The following PRPF38A variants were observed in gnomAD, a reference collection of about 807,000 sequenced individuals.
The protein encoded by PRPF38A is pre-mRNA processing factor 38A, also known as pre-mRNA-splicing factor 38A.
PRPF38A carries 11 observed loss-of-function variants against 46.8 expected under a neutral mutation model. That is an observed-to-expected ratio of 0.24 (90% CI 0.15 to 0.39). The LOEUF is 0.39. PRPF38A is among the 10% of genes least tolerant of loss of function. The pLI, the probability that PRPF38A is intolerant of heterozygous loss-of-function variation, is 1.00. For synonymous variants in PRPF38A, 124 were observed against 136.2 expected, an observed-to-expected ratio of 0.91 and a Z score of 0.62; for missense variants, 261 against 407.5, an observed-to-expected ratio of 0.64 and a Z score of 3.10.
chr1:52,405,546 G>C, intron 1 of PRPF38A, 134 bp from the exon 2 acceptor site: 1 of 760,192 alleles, frequency 1.3e-6, no homozygotes, highest in South Asian at 1.8e-5. Flanking sequence ...TGTCGTTACT[G>C]TTATTAATAC....
chr1:52,415,303 G>A, intron 8 of PRPF38A, 35 bp from the exon 9 acceptor site: 1 of 1,604,362 alleles, frequency 6.2e-7, no homozygotes, highest in Non-Finnish European at 8.5e-7. Context: ...AGAGTAGAAG[G>A]GTAGGATCTT....
Position 52,417,878 on chromosome 1 carries a change from G to A in PRPF38A, c.*1188G>A, listed in dbSNP as rs1229821388. The A allele has an allele frequency of 1.3e-5, 2 of 152,434 alleles. No individual in the cohort carries two copies. Among genetic ancestry groups the A allele is most frequent in the African/African-American group, 4.8e-5 (2 of 41,428 alleles). 9.4% of individuals were successfully genotyped at this position (152,434 alleles called of 1,614,324 possible). ...GGAGAGAGTGAGTGAAAGAAGCCAA[G>A]GGTCAAGAATGCAGAAGCAAAGGAA... On this transcript the variant is annotated 3_prime_UTR_variant, in exon 10 of 10. Transcript: ENST00000257181.
Position 52,417,964 on chromosome 1 carries a change from A to C in PRPF38A, c.*1274A>C, listed in dbSNP as rs1190490171. 1 of 152,568 alleles carries C rather than the reference A, an allele frequency of 6.6e-6. No individual in the cohort carries two copies. Among genetic ancestry groups the C allele is most frequent in the African/African-American group, 2.4e-5 (1 of 41,386 alleles). The allele number at this position is 152,568 out of a possible 1,614,324, so 9.5% of individuals were successfully genotyped here. On this transcript the variant is annotated 3_prime_UTR_variant, in exon 10 of 10. Coordinates refer to ENST00000257181, the MANE Select transcript of PRPF38A (RefSeq NM_032864.4). The stretch of plus-strand genomic sequence containing the variant: ...AGATTATTAAGATCTTTGCTAGAAG[A>C]GTTCCTTTACCTGTACTTAACTCCC...
chr1:52,409,958 A>G (rs2147956207), intron 3 of PRPF38A, among the ~76,000 whole-genome samples: 1 of 151,996 alleles, frequency 6.6e-6, no homozygotes, highest in Admixed American at 6.6e-5. Context: ...ATGGTTGAGA[A>G]CCCCAGAAGT....
intron 2 of PRPF38A, among the ~76,000 whole-genome samples, chr1:52,406,393 C>CAT (rs2147953831): frequency 6.6e-6 from 1 of 152,290 alleles, no homozygotes; most frequent in African/African-American, 2.4e-5. Context: ...TCACTAAATA[C>CAT]ATATTAAGCA....
At chr1:52,406,679 T>C (rs1485910777) in intron 2 of PRPF38A, among the ~76,000 whole-genome samples, 1 of 152,216 alleles carries the variant, frequency 6.6e-6, no homozygotes, top group Non-Finnish European at 1.5e-5. Context: ...TATTACCGTA[T>C]TACCGATTCT....
At chr1:52,412,375 C>A in intron 4 of PRPF38A, 139 bp from the exon 5 acceptor site, 1 of 601,026 alleles carries the variant, frequency 1.7e-6, no homozygotes, top group Non-Finnish European at 3.0e-6. Flanking sequence ...GTCTATTAAA[C>A]TTGTTAGGAA....
chr1:52,413,147 T>C (rs1648193168), intron 5 of PRPF38A, among the ~76,000 whole-genome samples: 1 of 152,206 alleles, frequency 6.6e-6, no homozygotes, highest in East Asian at 1.9e-4. Context: ...GATACTTTTT[T>C]CCCCAAGACT....
intron 2 of PRPF38A, among the ~76,000 whole-genome samples, chr1:52,407,571 T>C (rs1176506767): frequency 3.9e-5 from 6 of 152,208 alleles, no homozygotes; most frequent in Non-Finnish European, 7.3e-5. Context: ...CCAGCAGTCA[T>C]GTTTATGTGT....
intron 3 of PRPF38A, chr1:52,409,020 C>T (rs963688026): frequency 9.7e-6 from 2 of 205,430 alleles, no homozygotes; most frequent in African/African-American, 4.6e-5. Context: ...CTTCCCCAGC[C>T]CTCTCAGACA....
chr1:52,407,934 T>C (rs1017230888), intron 2 of PRPF38A, among the ~76,000 whole-genome samples: 2 of 152,256 alleles, frequency 1.3e-5, no homozygotes, highest in Non-Finnish European at 2.9e-5. Context: ...CACATGCCTA[T>C]AATCCCAGCT....
rs1318874939 is a variant in PRPF38A, at chr1:52,420,560, G to GA, written c.*3876dup. On this transcript the variant is annotated 3_prime_UTR_variant, in exon 10 of 10. Coordinates refer to ENST00000257181, the MANE Select transcript of PRPF38A (RefSeq NM_032864.4). ...TTACAAGACTAGATTCTCTTGTGGGGAAAAAAGTATTTAAATTGAGCATTT... is the reference window on the plus strand; with the variant it reads ...TTACAAGACTAGATTCTCTTGTGGGGAAAAAAAGTATTTAAATTGAGCATTT... 6.6e-6 allele frequency: 1 copy of GA among 152,026 alleles called. No homozygotes were observed. Among genetic ancestry groups the GA allele is most frequent in the Non-Finnish European group, 1.5e-5 (1 of 67,980 alleles). The allele number at this position is 152,026 out of a possible 1,614,324, so 9.4% of individuals were successfully genotyped here. A position where few individuals can be genotyped will look rare whatever the true frequency, so the allele number is the denominator to read the frequency against.
intron 1 of PRPF38A, 27 bp from the exon 2 acceptor site, chr1:52,405,653 T>C (rs931557113): frequency 6.2e-7 from 1 of 1,610,756 alleles, no homozygotes; most frequent in Admixed American, 1.7e-5. Context: ...AGCCCTAATA[T>C]GTTACTGTAT....
intron 5 of PRPF38A, among the ~76,000 whole-genome samples, chr1:52,412,872 G>A (rs927113269): frequency 3.9e-5 from 6 of 152,064 alleles, no homozygotes; most frequent in Non-Finnish European, 7.4e-5. Flanking sequence ...CGTTGTGGTG[G>A]GTGCCTGTAA....
At position 52,418,025 on chromosome 1, in the gene PRPF38A, C is replaced by T. The variant is rs1648340133; in HGVS notation, c.*1335C>T. ...AAAAGTGATGGAATGACTTCTGCAA[C>T]TGTAGTCCCAGCAGGAACTGTGAAG... On this transcript the variant is annotated 3_prime_UTR_variant, in exon 10 of 10. Coordinates refer to ENST00000257181, the MANE Select transcript of PRPF38A (RefSeq NM_032864.4). The T allele has an allele frequency of 6.6e-6, 1 of 152,622 alleles. No homozygotes were observed. The highest frequency in any genetic ancestry group is 1.5e-5 in the Non-Finnish European group (1 of 68,052). The allele number at this position is 152,622 out of a possible 1,614,324, so 9.5% of individuals were successfully genotyped here.
At position 52,415,283 on chromosome 1, in the gene PRPF38A, C is replaced by G. The variant is rs1370293028; in HGVS notation, c.848-55C>G. ...CAGGTATTAGGGGAGGTGAGAATGACAGTTTAATAAGAGTAGAAGGGTAGG... is the reference window on the plus strand; with the variant it reads ...CAGGTATTAGGGGAGGTGAGAATGAGAGTTTAATAAGAGTAGAAGGGTAGG... On this transcript the variant is annotated intron_variant, in intron 8 of 9. Transcript: ENST00000257181. 3.8e-6 allele frequency: 6 copies of G among 1,560,206 alleles called. No individual in the cohort carries two copies. In the East Asian group the frequency reaches 1.3e-4, roughly 35 times the overall value.
chr1:52,414,053 A>AT, intron 6 of PRPF38A, 62 bp downstream of exon 6: 1 of 1,119,118 alleles, frequency 8.9e-7, no homozygotes, highest in Non-Finnish European at 1.3e-6. Flanking sequence ...AGAAGTTTGG[A>AT]TTTTAGAGAA....
intron 8 of PRPF38A, among the ~76,000 whole-genome samples, 161 bp downstream of exon 8, chr1:52,415,020 T>C (rs59714509): frequency 7.9e-5 from 12 of 152,178 alleles, no homozygotes; most frequent in Non-Finnish European, 1.6e-4. Context: ...CTGTCACTTA[T>C]AAGCTTTGCT....
At position 52,420,660 on chromosome 1, in the gene PRPF38A, A is replaced by G. The variant is rs1023546189; in HGVS notation, c.*3970A>G. ...ATATAGCATATGAGCCCACTTTTGTAAAACTATTTGTATATATGTGCCTGT... is the reference window on the plus strand; with the variant it reads ...ATATAGCATATGAGCCCACTTTTGTGAAACTATTTGTATATATGTGCCTGT... On this transcript the variant is annotated 3_prime_UTR_variant, in exon 10 of 10. Coordinates refer to ENST00000257181, the MANE Select transcript of PRPF38A (RefSeq NM_032864.4). 1 of 152,210 alleles carries G rather than the reference A, an allele frequency of 6.6e-6. No individual in the cohort carries two copies. Among genetic ancestry groups the G allele is most frequent in the African/African-American group, 2.4e-5 (1 of 41,454 alleles). The allele number at this position is 152,210 out of a possible 1,614,324, so 9.4% of individuals were successfully genotyped here. A position where few individuals can be genotyped will look rare whatever the true frequency, so the allele number is the denominator to read the frequency against.
Sources: allele counts gnomAD v4.1 joint callset (sites outside exome capture counted in the v4.1 genomes callset), GRCh38; gene constraint gnomAD v4.1.1; transcripts MANE v1.5; gene names NCBI Gene and HGNC (gene_info 2026-07-23, HGNC 2026-07-21).